Variants in TTC28 observed in about 807,000 individuals in gnomAD.
TTC28 encodes the protein tetratricopeptide repeat domain 28.
Under a neutral mutation model 198.0 loss-of-function variants are expected in TTC28, and 61 were observed. The ratio of observed to expected loss-of-function variants is 0.31; its 90% CI spans 0.25 to 0.38. TTC28 has a LOEUF of 0.38. Ranked by LOEUF, TTC28 falls within the 10% of genes least tolerant of loss-of-function variation. The pLI, the probability that TTC28 is intolerant of heterozygous loss-of-function variation, is 1.00. For missense variants in TTC28, 2,678 were observed against 3,164.0 expected (o/e 0.85, Z 3.69); for synonymous variants, 1,171 against 1,297.8 (o/e 0.90, Z 2.10).
intron 5 of TTC28, among the ~76,000 whole-genome samples, chr22:28,169,131 G>T (rs563455124): frequency 6.6e-6 from 1 of 152,094 alleles, no homozygotes; most frequent in Non-Finnish European, 1.5e-5. Context: ...ATACACCATC[G>T]CACACCAGTT....
chr22:28,162,498 TTC>T (rs1921326769), intron 6 of TTC28, among the ~76,000 whole-genome samples: 1 of 152,214 alleles, frequency 6.6e-6, no homozygotes, highest in African/African-American at 2.4e-5. Context: ...TTCATGCCTC[TTC>T]TCTCTAATTA....
At chr22:28,263,412 A>G (rs189668484) in intron 5 of TTC28, among the ~76,000 whole-genome samples, 43 of 152,246 alleles carry the variant, frequency 2.8e-4, no homozygotes, top group Non-Finnish European at 5.4e-4. Flanking sequence ...CAAAATAAAC[A>G]TCTCATGCCA....
chr22:28,662,806 C>T (rs1165226269), intron 1 of TTC28, among the ~76,000 whole-genome samples: 2 of 152,160 alleles, frequency 1.3e-5, no homozygotes. Context: ...TCAACAAAAG[C>T]ATTATGTGAC....
chr22:28,460,792 T>C (rs1020868338), intron 2 of TTC28, among the ~76,000 whole-genome samples: 1 of 152,016 alleles, frequency 6.6e-6, no homozygotes, highest in Non-Finnish European at 1.5e-5. Context: ...CAAGCAATAC[T>C]CCTGCCTCAG....
At chr22:28,151,783 T>C (rs1943614968) in intron 6 of TTC28, among the ~76,000 whole-genome samples, 1 of 152,232 alleles carries the variant, frequency 6.6e-6, no homozygotes, top group South Asian at 2.1e-4. Context: ...TTTAGATGTC[T>C]AGAAAAATCT....
intron 5 of TTC28, among the ~76,000 whole-genome samples, chr22:28,209,729 A>G (rs1926741964): frequency 6.6e-6 from 1 of 152,204 alleles, no homozygotes; most frequent in Admixed American, 6.5e-5. Context: ...TAGCTGAACA[A>G]AAGGCAGCAG....
chr22:28,499,395 C>A (rs907933173), intron 2 of TTC28, among the ~76,000 whole-genome samples: 2 of 152,098 alleles, frequency 1.3e-5, no homozygotes, highest in Non-Finnish European at 2.9e-5. Context: ...ATTTTCACAT[C>A]CTTCATTAAA....
At chr22:28,331,266 T>C (rs1404969639) in intron 2 of TTC28, among the ~76,000 whole-genome samples, 4 of 152,160 alleles carry the variant, frequency 2.6e-5, no homozygotes. Context: ...CCCAGAACTG[T>C]CTGCCTCTGA....
chr22:28,440,293 A>G (rs1414101983), intron 2 of TTC28, among the ~76,000 whole-genome samples: 1 of 152,200 alleles, frequency 6.6e-6, no homozygotes, highest in African/African-American at 2.4e-5. Flanking sequence ...TGGGGGCAGA[A>G]CATGATTAAT....
At chr22:28,527,680 G>A (rs1020751824) in intron 2 of TTC28, among the ~76,000 whole-genome samples, 1 of 152,138 alleles carries the variant, frequency 6.6e-6, no homozygotes, top group African/African-American at 2.4e-5. Flanking sequence ...ATGTTGCCCA[G>A]GCTGGAGTGC....
At chr22:28,558,590 G>A (rs928285956) in intron 2 of TTC28, among the ~76,000 whole-genome samples, 2 of 152,016 alleles carry the variant, frequency 1.3e-5, no homozygotes, top group African/African-American at 2.4e-5. Context: ...CAGGAGAATC[G>A]CTTGAACCCC....
intron 6 of TTC28, among the ~76,000 whole-genome samples, chr22:28,109,564 AGCT>A (rs1466764818): frequency 6.6e-6 from 1 of 152,264 alleles, no homozygotes; most frequent in African/African-American, 2.4e-5. Flanking sequence ...ACCATATTAT[AGCT>A]GCTAAGCTAA....
intron 1 of TTC28, among the ~76,000 whole-genome samples, chr22:28,644,102 T>C (rs1487380486): frequency 1.3e-5 from 2 of 152,142 alleles, no homozygotes; most frequent in Admixed American, 6.6e-5. Context: ...ATATCTACTA[T>C]GATAATACAG....
chr22:28,567,525 T>A (rs1399106543), intron 2 of TTC28, among the ~76,000 whole-genome samples: 1 of 137,732 alleles, frequency 7.3e-6, no homozygotes, highest in African/African-American at 2.7e-5. Context: ...TACCTATTAA[T>A]GATTAGGATT....
chr22:28,154,599 G>A lies in TTC28; in HGVS notation c.1441+8493C>T, dbSNP rs999862709. Among the ~76,000 whole-genome samples, 137 of 151,892 alleles carry A rather than the reference G, an allele frequency of 9.0e-4. 1 individual carries two copies. The highest frequency in any genetic ancestry group is 3.1e-3 in the African/African-American group (127 of 41,452). Reference sequence around the variant, plus strand: ...TCTCGACCTCCTGACCTTGTGATCCGCCTGCCTCGGCCTCCCAAAGTGCTG... The same window carrying A: ...TCTCGACCTCCTGACCTTGTGATCCACCTGCCTCGGCCTCCCAAAGTGCTG... On this transcript the variant is annotated intron_variant, in intron 6 of 22. Coordinates refer to ENST00000397906, the MANE Select transcript of TTC28 (RefSeq NM_001145418.2).
intron 17 of TTC28, among the ~76,000 whole-genome samples, chr22:27,995,004 A>C (rs1452292376): frequency 6.6e-6 from 1 of 152,148 alleles, no homozygotes; most frequent in Non-Finnish European, 1.5e-5. Flanking sequence ...CTTGCTGGTC[A>C]CAGTGTTCAC....
At chr22:28,134,154 T>G (rs1426831751) in intron 6 of TTC28, among the ~76,000 whole-genome samples, 1 of 152,066 alleles carries the variant, frequency 6.6e-6, no homozygotes, top group Non-Finnish European at 1.5e-5. Context: ...GGGTCCTGAG[T>G]GTTACAAGGA....
chr22:28,359,486 T>C (rs1445586210), intron 2 of TTC28, among the ~76,000 whole-genome samples: 1 of 152,220 alleles, frequency 6.6e-6, no homozygotes, highest in East Asian at 1.9e-4. Flanking sequence ...ATGTTCTTCA[T>C]ATGAGACATA....
At chr22:28,218,495 C>T (rs1159447102) in intron 5 of TTC28, among the ~76,000 whole-genome samples, 1 of 151,912 alleles carries the variant, frequency 6.6e-6, no homozygotes, top group Admixed American at 6.6e-5. Flanking sequence ...TTTTTTCACT[C>T]ATTCAGTTTT....
Sources: gnomAD v4.1 joint callset for allele counts (sites outside exome capture counted in the v4.1 genomes callset) on GRCh38, gnomAD v4.1.1 for gene constraint, MANE v1.5 for transcripts, NCBI Gene and HGNC (gene_info 2026-07-23, HGNC 2026-07-21) for gene names.